The following DNAH7 variants were observed in gnomAD, a reference collection of about 807,000 sequenced individuals.
The protein encoded by DNAH7 is axonemal beta dynein heavy chain 7.
DNAH7 carries 397 observed loss-of-function variants against 444.6 expected under a neutral mutation model. The ratio of observed to expected loss-of-function variants is 0.89; its 90% CI spans 0.82 to 0.97. The LOEUF (loss-of-function observed/expected upper bound fraction) is 0.97. DNAH7 is among the 50% of genes least tolerant of loss of function. The pLI is 0.00. For synonymous variants in DNAH7, 1,636 were observed against 1,624.4 expected, an observed-to-expected ratio of 1.01 and a Z score of -0.17; for missense variants, 4,902 against 4,800.8, an observed-to-expected ratio of 1.02 and a Z score of -0.62.
Position 195,906,739 on chromosome 2 carries a change from T to C in DNAH7, c.4255A>G (p.Lys1419Glu). The C allele has an allele frequency of 6.2e-7, 1 of 1,613,550 alleles. No homozygotes were observed. The highest frequency in any genetic ancestry group is 8.5e-7 in the Non-Finnish European group (1 of 1,179,624). ...DILMFEGTEL[K>E]LDPTCAVFIT... ...AAGACAGCACATGTGGGGTCAAGTT[T>C]TAGTTCAGTTCCTTCAAACATCAGT... The change falls in exon 27 of 65, where the codon AAA becomes GAA. Residue 1419 changes from lysine to glutamate, a missense_variant. Physicochemically the swap from Lys to Glu is moderately conservative, Grantham distance 56 (BLOSUM62 1). Transcript: ENST00000312428.
At chr2:195,965,396 A>T (rs1691407032) in intron 17 of DNAH7, among the ~76,000 whole-genome samples, 1 of 152,160 alleles carries the variant, frequency 6.6e-6, no homozygotes, top group African/African-American at 2.4e-5. Context: ...TTTTTGCCTC[A>T]ATGTTCATTA....
intron 12 of DNAH7, among the ~76,000 whole-genome samples, chr2:195,997,471 C>T (rs1432657738): frequency 6.6e-6 from 1 of 152,130 alleles, no homozygotes; most frequent in Non-Finnish European, 1.5e-5. Flanking sequence ...GCCGAGATCA[C>T]ATCACCGCAC....
chr2:195,965,786 G>A (rs1344871610), intron 17 of DNAH7, among the ~76,000 whole-genome samples: 1 of 152,092 alleles, frequency 6.6e-6, no homozygotes, highest in Non-Finnish European at 1.5e-5. Flanking sequence ...TTGAGCCTTA[G>A]AGTTTCTACA....
At chr2:195,787,900 G>A (rs372074453) in intron 57 of DNAH7, among the ~76,000 whole-genome samples, 34 of 152,228 alleles carry the variant, frequency 2.2e-4, no homozygotes, top group African/African-American at 7.7e-4. Flanking sequence ...ATGGGAGCTG[G>A]GGGTCATTTT....
chr2:195,980,703 C>T (rs777322715), intron 15 of DNAH7, among the ~76,000 whole-genome samples: 6 of 152,080 alleles, frequency 3.9e-5, no homozygotes, highest in Non-Finnish European at 7.4e-5. Flanking sequence ...GATGATCCAA[C>T]ATATGCAAAT....
chr2:195,771,975 A>T, intron 60 of DNAH7, 85 bp from the exon 61 acceptor site: 1 of 1,142,770 alleles, frequency 8.8e-7, no homozygotes, highest in South Asian at 1.3e-5. Context: ...GTAAATCTTT[A>T]TAAGAAAGAA....
Position 195,900,403 on chromosome 2 carries a change from G to A in DNAH7, c.4427C>T (p.Pro1476Leu). The A allele has an allele frequency of 4.3e-6, 7 of 1,614,016 alleles. No homozygotes were observed. The highest frequency in any genetic ancestry group is 5.9e-6 in the Non-Finnish European group (7 of 1,179,924). Reference sequence around the variant, plus strand: ...CGTAGCCACAATTTTTACAGACAGTGGTCGAGCAGTGACAAACCCACAGGA... The same window carrying A: ...CGTAGCCACAATTTTTACAGACAGTAGTCGAGCAGTGACAAACCCACAGGA... ...LYSCGFVTARPLSVKIVATYR... is the reference protein window; with the variant it reads ...LYSCGFVTARLLSVKIVATYR... The change falls in exon 28 of 65, where the codon CCA (proline) becomes CTA (leucine). Residue 1476 changes from proline to leucine, a missense_variant. Transcript: ENST00000312428.
At chr2:195,784,735 T>A (rs575959171) in intron 58 of DNAH7, among the ~76,000 whole-genome samples, 3 of 152,330 alleles carry the variant, frequency 2.0e-5, no homozygotes, top group South Asian at 4.1e-4. Context: ...CTGCTCCACA[T>A]CCTTGTTAGC....
chr2:196,029,262 G>C (rs1165287009), intron 5 of DNAH7, among the ~76,000 whole-genome samples: 1 of 151,972 alleles, frequency 6.6e-6, no homozygotes, highest in African/African-American at 2.4e-5. Context: ...TTGTTTGTTT[G>C]TTTGTTTGTT....
At chr2:195,897,606 G>A in intron 29 of DNAH7, 61 bp downstream of exon 29, 1 of 952,150 alleles carries the variant, frequency 1.1e-6, no homozygotes, top group South Asian at 1.6e-5. Flanking sequence ...CACAACCTTA[G>A]ACATGTGATA....
intron 21 of DNAH7, among the ~76,000 whole-genome samples, chr2:195,927,542 A>T (rs531011249): frequency 1.7e-4 from 26 of 151,888 alleles, no homozygotes; most frequent in African/African-American, 3.6e-4. Context: ...TTAATTAATT[A>T]AAAAAATAGG....
intron 46 of DNAH7, among the ~76,000 whole-genome samples, chr2:195,852,528 A>G (rs1228810242): frequency 4.6e-5 from 7 of 151,940 alleles, no homozygotes. Flanking sequence ...ATTTTTCTAA[A>G]TCTCTTTGCC....
intron 46 of DNAH7, among the ~76,000 whole-genome samples, chr2:195,852,650 G>T (rs1480734280): frequency 6.6e-6 from 1 of 152,160 alleles, no homozygotes; most frequent in East Asian, 1.9e-4. Context: ...GAAGAGAAAG[G>T]CAGGAAGAAT....
chr2:195,802,648 G>A (rs2106009315), intron 54 of DNAH7, among the ~76,000 whole-genome samples: 1 of 151,190 alleles, frequency 6.6e-6, no homozygotes, highest in Non-Finnish European at 1.5e-5. Flanking sequence ...CAGCCTGGGT[G>A]ACAAAGAGAC....
chr2:195,780,547 G>C (rs765793562), intron 58 of DNAH7, among the ~76,000 whole-genome samples: 5 of 152,008 alleles, frequency 3.3e-5, no homozygotes, highest in Admixed American at 6.6e-5. Context: ...TCAGGAGTTT[G>C]ATACCAGCCT....
chr2:195,978,133 T>A (rs1003050734), intron 15 of DNAH7, among the ~76,000 whole-genome samples: 1 of 151,970 alleles, frequency 6.6e-6, no homozygotes, highest in Admixed American at 6.6e-5. Context: ...GTGTAAACTA[T>A]ATATATATGT....
intron 24 of DNAH7, among the ~76,000 whole-genome samples, chr2:195,919,219 C>T (rs1212703354): frequency 7.7e-6 from 1 of 129,472 alleles, no homozygotes; most frequent in Non-Finnish European, 1.6e-5. Context: ...AGCCTGGAGA[C>T]AGAGCAAGAC....
intron 1 of DNAH7, among the ~76,000 whole-genome samples, chr2:196,066,439 C>T (rs1380711674): frequency 6.6e-6 from 1 of 152,116 alleles, no homozygotes; most frequent in Admixed American, 6.6e-5. Flanking sequence ...TTACTTGATT[C>T]CATAACTAGA....
At chr2:195,994,272 A>G in intron 12 of DNAH7, 1 of 398,884 alleles carries the variant, frequency 2.5e-6, no homozygotes, top group East Asian at 6.0e-5. Flanking sequence ...GTCTTCCACC[A>G]GTGGAAGCTT....
Sources: allele counts gnomAD v4.1 joint callset (sites outside exome capture counted in the v4.1 genomes callset), GRCh38; gene constraint gnomAD v4.1.1; transcripts MANE v1.5; gene names NCBI Gene and HGNC (gene_info 2026-07-23, HGNC 2026-07-21).